SH3KBP1: variants seen among roughly 807,000 people sequenced by gnomAD.
The protein encoded by SH3KBP1 is SH3 domain containing kinase binding protein 1, also known as SH3 domain-containing kinase-binding protein 1.
In SH3KBP1, 8 loss-of-function variants were observed where a neutral mutation model predicts 50.1. The observed-to-expected ratio is 0.16, with a 90% CI of 0.09 to 0.29. SH3KBP1 has a LOEUF of 0.29. SH3KBP1 is among the 10% of genes least tolerant of loss of function. The pLI is 1.00. For missense variants in SH3KBP1, 377 were observed against 535.2 expected (o/e 0.70, Z 2.92); for synonymous variants, 227 against 218.6 (o/e 1.04, Z -0.34).
intron 1 of SH3KBP1, among the ~76,000 whole-genome samples, chrX:19,859,908 G>A (rs747661240): frequency 3.3e-4 from 37 of 111,316 alleles, no homozygotes; most frequent in Admixed American, 6.7e-4. Flanking sequence ...ACACAAAATA[G>A]TGCCTTTTTC....
At chrX:19,692,689 A>ATATTT (rs1556257878) in intron 5 of SH3KBP1, among the ~76,000 whole-genome samples, 14 of 75,052 alleles carry the variant, frequency 1.9e-4, no homozygotes, top group Non-Finnish European at 1.7e-4. Context: ...ATATATATAT[A>ATATTT]TTTTTTTTTT....
At chrX:19,582,363 A>C (rs1445004882) in intron 12 of SH3KBP1, among the ~76,000 whole-genome samples, 1 of 111,797 alleles carries the variant, frequency 8.9e-6, no homozygotes, top group Non-Finnish European at 1.9e-5. Flanking sequence ...TGGCTTGTAG[A>C]ACACTGGCCT....
chrX:19,747,180 G>A (rs1248047103), intron 2 of SH3KBP1, among the ~76,000 whole-genome samples: 3 of 112,332 alleles, frequency 2.7e-5, no homozygotes, highest in African/African-American at 9.7e-5. Context: ...CCTGCTCTAG[G>A]TAGACTCTTA....
intron 6 of SH3KBP1, among the ~76,000 whole-genome samples, chrX:19,671,983 C>T (rs759504112): frequency 3.6e-5 from 4 of 111,826 alleles, no homozygotes; most frequent in Admixed American, 9.5e-5. Flanking sequence ...AAACCATTTG[C>T]TTACTATTTA....
At chrX:19,662,815 C>T in intron 6 of SH3KBP1, among the ~76,000 whole-genome samples, 1 of 106,588 alleles carries the variant, frequency 9.4e-6, no homozygotes, top group African/African-American at 3.4e-5. Context: ...AAAACCAGGA[C>T]TGACTTTTTT....
At chrX:19,539,325 C>A (rs945080825) in intron 16 of SH3KBP1, among the ~76,000 whole-genome samples, 2 of 112,375 alleles carry the variant, frequency 1.8e-5, no homozygotes, top group Non-Finnish European at 3.8e-5. Context: ...CGATGATGGT[C>A]CCTATTCTCT....
chrX:19,821,482 T>C (rs2147337917), intron 2 of SH3KBP1, among the ~76,000 whole-genome samples: 1 of 112,207 alleles, frequency 8.9e-6, no homozygotes, highest in African/African-American at 3.2e-5. Flanking sequence ...TATTTTCTCC[T>C]TTCTGAAATT....
chrX:19,774,245 G>A (rs955746946), intron 2 of SH3KBP1, among the ~76,000 whole-genome samples: 3 of 110,916 alleles, frequency 2.7e-5, no homozygotes, highest in African/African-American at 9.9e-5. Flanking sequence ...AAAAGTACTT[G>A]ATTTCCTACT....
chrX:19,661,565 T>A (rs1365596549), intron 6 of SH3KBP1, among the ~76,000 whole-genome samples: 1 of 110,308 alleles, frequency 9.1e-6, no homozygotes, highest in African/African-American at 3.3e-5. Flanking sequence ...TTTTTTTTTT[T>A]TTTTACTTTT....
In SH3KBP1 at chrX:19,604,528, C is replaced by T. The variant is rs772376122; in HGVS notation, c.1005+3410G>A. ...TCTGTCTACCCTAATCATCACAGAT[C>T]GTCCTCTTTTCTGGGTGAATGATTG... On this transcript the variant is annotated intron_variant, in intron 9 of 17. Transcript: ENST00000397821. 6.2e-5 allele frequency among the ~76,000 whole-genome samples: 7 copies of T among 112,224 alleles called. No individual in the cohort carries two copies. In the East Asian group the frequency reaches 1.4e-3, roughly 22 times the overall value.
chrX:19,734,855 T>A (rs1282947189), intron 3 of SH3KBP1, among the ~76,000 whole-genome samples: 3 of 112,489 alleles, frequency 2.7e-5, no homozygotes, highest in African/African-American at 9.7e-5. Flanking sequence ...AGGACTTCAT[T>A]CCTTCTTACG....
chrX:19,590,398 T>C (rs2066707917), intron 11 of SH3KBP1, among the ~76,000 whole-genome samples: 1 of 111,635 alleles, frequency 9.0e-6, no homozygotes, highest in Non-Finnish European at 1.9e-5. Context: ...CTATTGCATC[T>C]GACCAGGGAT....
At chrX:19,831,472 T>G (rs1380451160) in intron 2 of SH3KBP1, among the ~76,000 whole-genome samples, 1 of 101,174 alleles carries the variant, frequency 9.9e-6, no homozygotes, top group Non-Finnish European at 2.0e-5. Flanking sequence ...AGTGGTAACA[T>G]GGACAGAAAG....
intron 11 of SH3KBP1, among the ~76,000 whole-genome samples, chrX:19,590,969 T>C (rs1164399006): frequency 1.9e-5 from 2 of 107,512 alleles, no homozygotes; most frequent in Non-Finnish European, 3.8e-5. Flanking sequence ...GCCATACCAA[T>C]GCTTTTATAC....
At chrX:19,790,939 T>A (rs187919026) in intron 2 of SH3KBP1, among the ~76,000 whole-genome samples, 11 of 111,209 alleles carry the variant, frequency 9.9e-5, no homozygotes, top group African/African-American at 3.6e-4. Context: ...AAGTTGTCTA[T>A]CTGGGTATTG....
At chrX:19,835,084 T>C (rs1019022339) in intron 2 of SH3KBP1, among the ~76,000 whole-genome samples, 2 of 109,878 alleles carry the variant, frequency 1.8e-5, no homozygotes, top group African/African-American at 3.3e-5. Context: ...GTGGAAAACA[T>C]TGCATAATTT....
chrX:19,588,318 T>C, intron 12 of SH3KBP1: 3 of 1,066,270 alleles, frequency 2.8e-6, no homozygotes, highest in Non-Finnish European at 3.6e-6. Flanking sequence ...GCCACCTGCA[T>C]TTCCAGGCTG....
intron 9 of SH3KBP1, among the ~76,000 whole-genome samples, chrX:19,596,389 T>C (rs944533747): frequency 1.8e-5 from 2 of 112,090 alleles, no homozygotes; most frequent in African/African-American, 6.5e-5. Context: ...AAAAAACTAA[T>C]GATATCTGAG....
chrX:19,609,625 A>C (rs2067349335), intron 8 of SH3KBP1, among the ~76,000 whole-genome samples: 1 of 112,152 alleles, frequency 8.9e-6, no homozygotes, highest in Non-Finnish European at 1.9e-5. Flanking sequence ...GTGGGATTAG[A>C]AAAGGGCTCA....
Sources: allele counts gnomAD v4.1 joint callset (sites outside exome capture counted in the v4.1 genomes callset), GRCh38; gene constraint gnomAD v4.1.1; transcripts MANE v1.5; gene names NCBI Gene and HGNC (gene_info 2026-07-23, HGNC 2026-07-21).